Variants in ATP6V1C2 observed in about 807,000 individuals in gnomAD.
ATP6V1C2 encodes ATPase H+ transporting V1 subunit C2.
A neutral mutation model predicts 56.8 loss-of-function variants in ATP6V1C2; 45 were observed. The ratio of observed to expected loss-of-function variants is 0.79; its 90% CI spans 0.62 to 1.02. The LOEUF is 1.02. ATP6V1C2 is among the 50% of genes least tolerant of loss of function. ATP6V1C2 has a pLI of 0.00. For synonymous variants in ATP6V1C2, 220 were observed against 201.3 expected (o/e 1.09, Z -0.79); for missense variants, 463 against 519.7 (o/e 0.89, Z 1.06).
intron 8 of ATP6V1C2, among the ~76,000 whole-genome samples, chr2:10,773,587 T>G (rs1664769386): frequency 6.6e-6 from 1 of 152,190 alleles, no homozygotes; most frequent in African/African-American, 2.4e-5. Context: ...TTCACTGTGT[T>G]GGCCAGGCTG....
chr2:10,753,630 C>T (rs968591702), intron 3 of ATP6V1C2, among the ~76,000 whole-genome samples: 7 of 151,618 alleles, frequency 4.6e-5, no homozygotes, highest in African/African-American at 1.2e-4. Flanking sequence ...CTCCCGGGTT[C>T]AAGCGATTCT....
upstream of ATP6V1C2, among the ~76,000 whole-genome samples, chr2:10,721,370 C>CGCGGCAGCGCAGTCGT (rs1203255511): frequency 6.6e-6 from 1 of 152,096 alleles, no homozygotes; most frequent in Non-Finnish European, 1.5e-5. Flanking sequence ...GCGTCCCGGA[C>CGCGGCAGCGCAGTCGT]GCGGCAGCGC....
intron 2 of ATP6V1C2, among the ~76,000 whole-genome samples, chr2:10,724,023 A>G (rs1661505983): frequency 6.6e-6 from 1 of 151,734 alleles, no homozygotes; most frequent in South Asian, 2.1e-4. Context: ...CGGCCTCCCA[A>G]AGTGCTGGGA....
intron 3 of ATP6V1C2, among the ~76,000 whole-genome samples, chr2:10,751,898 C>G (rs555533937): frequency 1.3e-5 from 2 of 151,954 alleles, no homozygotes; most frequent in Non-Finnish European, 2.9e-5. Context: ...GCTTTAGCCC[C>G]GGAGTTCGAG....
rs544780961 is a variant in ATP6V1C2 at position 10,772,523 on chromosome 2, C to T, written c.570-19C>T. On this transcript the variant is annotated intron_variant, in intron 7 of 13. Transcript: ENST00000272238. ...GCCTTTTCTGCAAAAAATCACGTAA[C>T]GATTCTATGTTCTTGCAGACCAAAC... 9.3e-6 allele frequency: 15 copies of T among 1,609,600 alleles called. No individual in the cohort carries two copies. The highest frequency in any genetic ancestry group is 6.7e-5 in the African/African-American group (5 of 74,910).
intron 13 of ATP6V1C2, among the ~76,000 whole-genome samples, 154 bp downstream of exon 13, chr2:10,782,529 G>A (rs1665429430): frequency 6.6e-6 from 1 of 151,866 alleles, no homozygotes; most frequent in South Asian, 2.1e-4. Flanking sequence ...GTAAGACCCT[G>A]TCTCTACTAA....
Position 10,763,188 on chromosome 2 carries a change from A to G in ATP6V1C2, c.284-1143A>G, listed in dbSNP as rs1248837438. 6.6e-6 allele frequency among the ~76,000 whole-genome samples: 1 copy of G among 152,188 alleles called. No individual in the cohort carries two copies. The highest frequency in any genetic ancestry group is 2.1e-4 in the South Asian group (1 of 4,820). ...CCACACTCCCTCTTCCCTGACTCAC[A>G]GTGCCCCGAGTACGTAGCGCTGCCA... On this transcript the variant is annotated intron_variant, in intron 4 of 13. Coordinates refer to ENST00000272238, the MANE Select transcript of ATP6V1C2 (RefSeq NM_001039362.2). The surrounding 1 kb of genome is among the most constrained non-coding windows in gnomAD (Gnocchi z 4.2).
chr2:10,742,294 T>C (rs1662596400), intron 3 of ATP6V1C2, among the ~76,000 whole-genome samples: 1 of 152,202 alleles, frequency 6.6e-6, no homozygotes, highest in African/African-American at 2.4e-5. Context: ...GAAAGCCTTC[T>C]CTTTGGTGTT....
chr2:10,771,801 T>C, intron 6 of ATP6V1C2, 38 bp from the exon 7 acceptor site: 1 of 1,537,938 alleles, frequency 6.5e-7, no homozygotes, highest in Non-Finnish European at 9.0e-7. Context: ...CCCTTTCTGC[T>C]CACATCTTTC....
chr2:10,739,651 G>A (rs528520022), intron 3 of ATP6V1C2, among the ~76,000 whole-genome samples: 23 of 152,058 alleles, frequency 1.5e-4, no homozygotes, highest in Admixed American at 1.1e-3. Flanking sequence ...AGGTGACCCC[G>A]TTTTAATTAT....
At chr2:10,749,248 A>G (rs1309127284) in intron 3 of ATP6V1C2, among the ~76,000 whole-genome samples, 2 of 151,838 alleles carry the variant, frequency 1.3e-5, no homozygotes, top group Non-Finnish European at 2.9e-5. Context: ...TAATCTTAGC[A>G]CTTTGGGAAG....
chr2:10,762,054 A>T (rs1249847768), intron 4 of ATP6V1C2, among the ~76,000 whole-genome samples: 1 of 151,894 alleles, frequency 6.6e-6, no homozygotes, highest in Admixed American at 6.5e-5. Context: ...ATCTCACTTT[A>T]TCCTGGAATT....
At chr2:10,772,414 G>T in intron 7 of ATP6V1C2, 128 bp from the exon 8 acceptor site, 1 of 797,014 alleles carries the variant, frequency 1.3e-6, no homozygotes, top group Non-Finnish European at 2.2e-6. Flanking sequence ...GGAGGTGAGG[G>T]CTCCCTCTGA....
At chr2:10,778,717 G>C in intron 12 of ATP6V1C2, 48 bp downstream of exon 12, 3 of 1,589,354 alleles carry the variant, frequency 1.9e-6, no homozygotes, top group Non-Finnish European at 8.6e-7. Flanking sequence ...GGATGGGCAG[G>C]GTCTGGGGGA....
chr2:10,768,786 T>C lies in ATP6V1C2; in HGVS notation c.446T>C (p.Leu149Pro). The change falls in exon 6 of 14, where the codon CTG becomes CCG. Residue 149 changes from leucine to proline, a missense_variant. Physicochemically the swap from Leu to Pro is moderately conservative, Grantham distance 98. Transcript: ENST00000272238. ...GCCTACAACACTCTGAAGACAAACC[T>C]GGAGAACCTGGAAAAGAAATCCATG... is the stretch of plus-strand genomic sequence containing the variant. Reference protein sequence around the residue: ...TAAYNTLKTNLENLEKKSMGN... With the variant: ...TAAYNTLKTNPENLEKKSMGN... The C allele has an allele frequency of 6.2e-7, 1 of 1,613,844 alleles. No individual in the cohort carries two copies. Among genetic ancestry groups the C allele is most frequent in the Non-Finnish European group, 8.5e-7 (1 of 1,179,970 alleles).
chr2:10,737,586 G>A (rs575303850), intron 3 of ATP6V1C2, among the ~76,000 whole-genome samples: 5 of 152,142 alleles, frequency 3.3e-5, no homozygotes, highest in Non-Finnish European at 7.4e-5. Flanking sequence ...ATTGATAAAC[G>A]TCTATTGGAG....
intron 3 of ATP6V1C2, among the ~76,000 whole-genome samples, chr2:10,745,842 C>G (rs4669620): frequency 0.82 from 124,145 of 152,132 alleles, 51,244 homozygotes; most frequent in Middle Eastern, 0.89. Context: ...GGCTATTTTA[C>G]GTACCTCCTA....
intron 3 of ATP6V1C2, among the ~76,000 whole-genome samples, chr2:10,741,468 C>T (rs540275754): frequency 6.6e-6 from 1 of 152,020 alleles, no homozygotes; most frequent in Non-Finnish European, 1.5e-5. Flanking sequence ...CTGGGCCTCC[C>T]CTCTCAGGTG....
At chr2:10,737,717 T>C (rs1468512884) in intron 3 of ATP6V1C2, among the ~76,000 whole-genome samples, 2 of 152,188 alleles carry the variant, frequency 1.3e-5, no homozygotes, top group East Asian at 3.9e-4. Flanking sequence ...GGAGACACAG[T>C]CTCACTCTGT....
Sources: gnomAD v4.1 joint callset for allele counts (sites outside exome capture counted in the v4.1 genomes callset) on GRCh38, gnomAD v4.1.1 for gene constraint, Gnocchi (gnomAD v3.1) non-coding constraint, MANE v1.5 for transcripts, NCBI Gene and HGNC (gene_info 2026-07-23, HGNC 2026-07-21) for gene names.